The following TTC28 variants were observed in gnomAD, a reference collection of about 807,000 sequenced individuals.
TTC28 encodes the protein tetratricopeptide repeat domain 28.
TTC28 carries 61 observed loss-of-function variants against 198.0 expected under a neutral mutation model. The observed-to-expected ratio is 0.31, with a 90% confidence interval of 0.25 to 0.38. The LOEUF is 0.38. Ranked by LOEUF, TTC28 falls within the 10% of genes least tolerant of loss-of-function variation. The probability of loss-of-function intolerance (pLI) is 1.00; values close to 1 mark genes in which losing one functional copy is unlikely to be tolerated. For synonymous variants in TTC28, 1,171 were observed against 1,297.8 expected, an observed-to-expected ratio of 0.90 and a Z score of 2.10; for missense variants, 2,678 against 3,164.0, an observed-to-expected ratio of 0.85 and a Z score of 3.69.
At chr22:28,220,708 GC>G (rs1927788083) in intron 5 of TTC28, among the ~76,000 whole-genome samples, 2 of 152,140 alleles carry the variant, frequency 1.3e-5, no homozygotes, top group African/African-American at 4.8e-5. Flanking sequence ...TGTCACTTTT[GC>G]CATGTTCTAT....
At chr22:28,270,521 ATC>A (rs1931995699) in intron 5 of TTC28, among the ~76,000 whole-genome samples, 1 of 151,746 alleles carries the variant, frequency 6.6e-6, no homozygotes, top group Non-Finnish European at 1.5e-5. Context: ...GCAGATTACA[ATC>A]TGATATTAAA....
chr22:28,013,978 C>T (rs1014137009), intron 14 of TTC28, among the ~76,000 whole-genome samples: 19 of 152,228 alleles, frequency 1.2e-4, no homozygotes, highest in African/African-American at 4.6e-4. Flanking sequence ...TGAATGTACC[C>T]GGCTTGTAGG....
intron 21 of TTC28, among the ~76,000 whole-genome samples, chr22:27,986,974 C>T (rs1196901815): frequency 6.6e-6 from 1 of 152,166 alleles, no homozygotes; most frequent in African/African-American, 2.4e-5. Context: ...TGGGGTTGCT[C>T]AGAACTGAGT....
chr22:28,649,481 T>C (rs1164227219), intron 1 of TTC28, among the ~76,000 whole-genome samples: 2 of 152,202 alleles, frequency 1.3e-5, no homozygotes, highest in Non-Finnish European at 2.9e-5. Context: ...TAAGAAAGGC[T>C]AGGTCATATC....
chr22:28,115,155 C>CT (rs565113285), intron 6 of TTC28, among the ~76,000 whole-genome samples: 16 of 151,972 alleles, frequency 1.1e-4, no homozygotes, highest in African/African-American at 3.6e-4. Flanking sequence ...ATGCTCCATG[C>CT]TTTTTTTATT....
At chr22:28,223,153 G>T (rs1928017705) in intron 5 of TTC28, among the ~76,000 whole-genome samples, 2 of 152,184 alleles carry the variant, frequency 1.3e-5, no homozygotes, top group Admixed American at 1.3e-4. Context: ...GCCAGAGCCA[G>T]CATGTTGTGC....
intron 12 of TTC28, among the ~76,000 whole-genome samples, chr22:28,033,366 C>T (rs1220294955): frequency 6.6e-6 from 1 of 152,226 alleles, no homozygotes; most frequent in African/African-American, 2.4e-5. Flanking sequence ...ACTCACTCTC[C>T]TGCACCCATT....
chr22:27,986,794 A>G (rs1937232109), intron 21 of TTC28, among the ~76,000 whole-genome samples: 1 of 152,220 alleles, frequency 6.6e-6, no homozygotes. Flanking sequence ...TAGGTTCACT[A>G]GAGGAGCATT....
chr22:28,225,285 G>GC (rs2147213279), intron 5 of TTC28, among the ~76,000 whole-genome samples: 2 of 151,804 alleles, frequency 1.3e-5, no homozygotes, highest in South Asian at 4.2e-4. Context: ...AACCCGAAAG[G>GC]CGGAGGTTGC....
intron 2 of TTC28, among the ~76,000 whole-genome samples, chr22:28,374,106 T>C (rs2046376156): frequency 6.6e-6 from 1 of 152,178 alleles, no homozygotes; most frequent in Admixed American, 6.5e-5. Context: ...AGCAGTTCCA[T>C]TTGATGTGAT....
intron 16 of TTC28, chr22:27,996,516 C>T (rs1194827641): frequency 2.2e-6 from 1 of 457,086 alleles, no homozygotes; most frequent in Admixed American, 3.5e-5. Flanking sequence ...AGAAAGGAGC[C>T]GAGGGAAGTG....
In TTC28 at chr22:28,009,541, T is replaced by G. The variant is rs577854445; in HGVS notation, c.4218+4707A>C. On this transcript the variant is annotated intron_variant, in intron 14 of 22. Transcript: ENST00000397906. The stretch of plus-strand genomic sequence containing the variant: ...GCCTCTGGAGCAGTGCGTGGGTGCT[T>G]GCAGCCAGAAGCAGGAGAATGATCC... Among the ~76,000 whole-genome samples, 39 of 152,328 alleles carry G rather than the reference T, an allele frequency of 2.6e-4. 1 individual carries two copies. In the East Asian group the frequency reaches 2.9e-3, roughly 11 times the overall value.
intron 5 of TTC28, among the ~76,000 whole-genome samples, chr22:28,168,956 G>C (rs938925964): frequency 6.6e-6 from 1 of 152,058 alleles, no homozygotes; most frequent in Admixed American, 6.6e-5. Context: ...AGTCTACAAT[G>C]AACTCCAACA....
intron 2 of TTC28, among the ~76,000 whole-genome samples, chr22:28,495,478 T>C (rs1453322701): frequency 1.3e-5 from 2 of 152,192 alleles, no homozygotes; most frequent in African/African-American, 4.8e-5. Context: ...ATTCAAACTA[T>C]TCATCTCTTG....
At position 27,999,228 on chromosome 22, in the gene TTC28, G is replaced by A; in HGVS notation, c.4431C>T (p.Ser1477=). Residue 1477 remains serine (S), a synonymous_variant, in exon 16 of 23, where the codon TCC becomes TCT. Coordinates refer to ENST00000397906, the MANE Select transcript of TTC28 (RefSeq NM_001145418.2). ...TGACAGCCGCCATGGATGTGGAGCT[G>A]GAGTATGTGGGCGGGTTCTTCCGTA... ...SHLRKNPPTY[S]SSTSMAAVIG... 1 of 1,550,904 alleles carries A rather than the reference G, an allele frequency of 6.4e-7. No individual in the cohort carries two copies. Among genetic ancestry groups the A allele is most frequent in the South Asian group, 1.2e-5 (1 of 84,004 alleles).
chr22:28,627,610 T>C (rs1158862348), intron 2 of TTC28, among the ~76,000 whole-genome samples: 1 of 151,998 alleles, frequency 6.6e-6, no homozygotes, highest in African/African-American at 2.4e-5. Flanking sequence ...TTTTGTGTTT[T>C]TAGTAGAGAC....
chr22:28,600,603 G>T (rs1483624196), intron 2 of TTC28, among the ~76,000 whole-genome samples: 2 of 152,056 alleles, frequency 1.3e-5, no homozygotes, highest in South Asian at 4.1e-4. Flanking sequence ...AATATGTATT[G>T]AATATTTATC....
At position 28,583,836 on chromosome 22, in the gene TTC28, T is replaced by C. The variant is rs891393079; in HGVS notation, c.381+45716A>G. 2.0e-5 allele frequency among the ~76,000 whole-genome samples: 3 copies of C among 152,100 alleles called. No homozygotes were observed. The East Asian group carries it at 5.8e-4, about 29-fold the overall frequency. Reference sequence around the variant, plus strand: ...TCAACTTAGCAAAAACATTTATACATGCAAAATTCTTTTAAACCCAAAAAA... The same window carrying C: ...TCAACTTAGCAAAAACATTTATACACGCAAAATTCTTTTAAACCCAAAAAA... On this transcript the variant is annotated intron_variant, in intron 2 of 22. Coordinates refer to ENST00000397906, the MANE Select transcript of TTC28 (RefSeq NM_001145418.2).
chr22:28,595,170 G>T (rs1239520962), intron 2 of TTC28, among the ~76,000 whole-genome samples: 3 of 151,904 alleles, frequency 2.0e-5, no homozygotes, highest in Non-Finnish European at 2.9e-5. Flanking sequence ...AGGACATCAG[G>T]GCTTATACAC....
Sources: gnomAD v4.1 joint callset for allele counts (sites outside exome capture counted in the v4.1 genomes callset) on GRCh38, gnomAD v4.1.1 for gene constraint, MANE v1.5 for transcripts, NCBI Gene and HGNC (gene_info 2026-07-23, HGNC 2026-07-21) for gene names.